LIMA1: variants seen among roughly 807,000 people sequenced by gnomAD.
The protein encoded by LIMA1 is LIM domain and actin-binding protein 1.
LIMA1 carries 52 observed loss-of-function variants against 62.6 expected under a neutral mutation model. The ratio of observed to expected loss-of-function variants is 0.83; its 90% CI spans 0.67 to 1.05. The LOEUF is 1.05. Ranked by LOEUF, LIMA1 falls within the 50% of genes least tolerant of loss-of-function variation. The probability of loss-of-function intolerance (pLI) is 0.00; values close to 1 mark genes in which losing one functional copy is unlikely to be tolerated. For missense variants in LIMA1, 780 were observed against 902.2 expected (o/e 0.86, Z 1.74); for synonymous variants, 302 against 317.8 (o/e 0.95, Z 0.53).
intron 2 of LIMA1, among the ~76,000 whole-genome samples, chr12:50,232,043 C>CTTTTTT (rs750844822): frequency 3.7e-4 from 31 of 83,476 alleles, no homozygotes; most frequent in East Asian, 1.1e-3. Context: ...GAGTGCCCAG[C>CTTTTTT]TTTTTTTTTT....
At chr12:50,260,310 G>C (rs540030530) in intron 1 of LIMA1, among the ~76,000 whole-genome samples, 2 of 152,016 alleles carry the variant, frequency 1.3e-5, no homozygotes, top group East Asian at 3.9e-4. Flanking sequence ...ACCATACCCG[G>C]CTAAGTTTTT....
At chr12:50,258,664 T>C (rs112187500) in intron 1 of LIMA1, among the ~76,000 whole-genome samples, 6 of 118,206 alleles carry the variant, frequency 5.1e-5, no homozygotes, top group Admixed American at 8.3e-5. Context: ...TTTTTTTTTT[T>C]CTGAGATGGA....
rs535232494 is a variant in LIMA1 at position 50,260,340 on chromosome 12, G to A, written c.-23-11566C>T. Among the ~76,000 whole-genome samples, 3 of 152,142 alleles carry A rather than the reference G, an allele frequency of 2.0e-5. No individual in the cohort carries two copies. In the East Asian group the frequency reaches 5.8e-4, roughly 29 times the overall value. On this transcript the variant is annotated intron_variant, in intron 1 of 10. Transcript: ENST00000341247. ...GTTTTTGTATTTTTAGTAGAGACGA[G>A]GTTTCACCATGTTGGCCAGGCTGGT...
intron 3 of LIMA1, among the ~76,000 whole-genome samples, chr12:50,231,168 G>C (rs923645720): frequency 2.0e-5 from 3 of 152,198 alleles, no homozygotes; most frequent in Non-Finnish European, 4.4e-5. Context: ...AGAACGGGTA[G>C]AAGCAGAGAG....
At chr12:50,193,609 T>TGC (rs398116437) in intron 8 of LIMA1, among the ~76,000 whole-genome samples, 1 of 126,194 alleles carries the variant, frequency 7.9e-6, no homozygotes, top group African/African-American at 3.0e-5. Context: ...TATATACATG[T>TGC]ATATATATAT....
At chr12:50,185,337 C>CCAGG in intron 9 of LIMA1, 1 of 455,610 alleles carries the variant, frequency 2.2e-6, no homozygotes, top group South Asian at 1.5e-5. Context: ...GGGAAGCAGC[C>CCAGG]CAGGGAACAG....
intron 4 of LIMA1, among the ~76,000 whole-genome samples, chr12:50,208,901 T>TAA (rs1043449784): frequency 2.6e-5 from 4 of 151,880 alleles, no homozygotes; most frequent in African/African-American, 9.7e-5. Flanking sequence ...GGGTGATGAG[T>TAA]AAGACCCTGC....
chr12:50,237,271 C>T (rs1941709808), intron 2 of LIMA1, among the ~76,000 whole-genome samples: 1 of 152,136 alleles, frequency 6.6e-6, no homozygotes, highest in South Asian at 2.1e-4. Context: ...TGTGCAGCAA[C>T]AAAAGGACAA....
In LIMA1 at chr12:50,261,042, A is replaced by ATATTTTT. The variant is rs1383547189; in HGVS notation, c.-23-12269_-23-12268insAAAAATA. On this transcript the variant is annotated intron_variant, in intron 1 of 10. Transcript: ENST00000341247. ...CTTTTGCTTTTCTGCCATCTAGTAT[A>ATATTTTT]TTTTTTTTTTTTTTTTTTTTTTTTT... is the stretch of plus-strand genomic sequence containing the variant. Among the ~76,000 whole-genome samples the ATATTTTT allele has an allele frequency of 2.1e-3, 112 of 54,298 alleles. 4 individuals are homozygous for ATATTTTT. Among genetic ancestry groups the ATATTTTT allele is most frequent in the African/African-American group, 3.7e-3 (52 of 13,956 alleles). 35.6% of individuals were successfully genotyped at this position (54,298 alleles called of 152,430 possible). A position where few individuals can be genotyped will look rare whatever the true frequency, so the allele number is the denominator to read the frequency against.
At chr12:50,195,960 T>G in intron 7 of LIMA1, 73 bp from the exon 8 acceptor site, 9 of 1,450,614 alleles carry the variant, frequency 6.2e-6, no homozygotes, top group Admixed American at 2.6e-5. Flanking sequence ...AGCAAACTGC[T>G]GTTAATGCCA....
intron 6 of LIMA1, among the ~76,000 whole-genome samples, chr12:50,203,617 T>G (rs997114563): frequency 6.6e-6 from 1 of 152,066 alleles, no homozygotes; most frequent in Non-Finnish European, 1.5e-5. Flanking sequence ...TTCACCACGT[T>G]AGCCAAGCTG....
At chr12:50,276,050 G>A (rs1160585166) in intron 1 of LIMA1, among the ~76,000 whole-genome samples, 1 of 151,930 alleles carries the variant, frequency 6.6e-6, no homozygotes, top group Non-Finnish European at 1.5e-5. Flanking sequence ...GGCAATTAAA[G>A]GAACCATATT....
intron 2 of LIMA1, among the ~76,000 whole-genome samples, chr12:50,240,789 T>C (rs1941767205): frequency 6.6e-6 from 1 of 152,148 alleles, no homozygotes; most frequent in Non-Finnish European, 1.5e-5. Context: ...TGGATGGTAT[T>C]AAAGCCACAG....
At chr12:50,206,342 C>G (rs543349626) in intron 4 of LIMA1, among the ~76,000 whole-genome samples, 1 of 152,134 alleles carries the variant, frequency 6.6e-6, no homozygotes, top group African/African-American at 2.4e-5. Context: ...CCTCACATAC[C>G]AGATGACAAT....
chr12:50,209,039 C>T (rs567679113), intron 4 of LIMA1, among the ~76,000 whole-genome samples: 2 of 150,034 alleles, frequency 1.3e-5, no homozygotes, highest in South Asian at 4.2e-4. Flanking sequence ...CCACGTTGCC[C>T]AGGCTGGTCT....
At chr12:50,215,486 C>T (rs1022481963) in intron 4 of LIMA1, among the ~76,000 whole-genome samples, 5 of 151,998 alleles carry the variant, frequency 3.3e-5, no homozygotes, top group African/African-American at 1.2e-4. Context: ...ATTTATTTTT[C>T]TTTGAGGCAG....
chr12:50,276,559 A>C (rs1942277827), intron 1 of LIMA1, among the ~76,000 whole-genome samples: 1 of 152,162 alleles, frequency 6.6e-6, no homozygotes, highest in African/African-American at 2.4e-5. Flanking sequence ...ACATCACAGC[A>C]CCAGAAGAAA....
At chr12:50,201,377 A>G (rs1341739346) in intron 6 of LIMA1, 2 of 983,968 alleles carry the variant, frequency 2.0e-6, no homozygotes, top group East Asian at 2.3e-4. Context: ...AATTATATTT[A>G]ATGATACCAT....
intron 3 of LIMA1, among the ~76,000 whole-genome samples, chr12:50,227,237 C>CTTTT (rs199650468): frequency 3.5e-4 from 44 of 124,000 alleles, no homozygotes; most frequent in South Asian, 7.9e-4. Flanking sequence ...TTTTTCTTTT[C>CTTTT]TTTTTTTTTT....
Sources: allele counts gnomAD v4.1 joint callset (sites outside exome capture counted in the v4.1 genomes callset), GRCh38; gene constraint gnomAD v4.1.1; transcripts MANE v1.5; gene names NCBI Gene and HGNC (gene_info 2026-07-23, HGNC 2026-07-21).